CCBE1: variants seen among roughly 807,000 people sequenced by gnomAD.
The protein encoded by CCBE1 is collagen and calcium binding EGF domains 1, also known as collagen and calcium-binding EGF domain-containing protein 1.
Under a neutral mutation model 50.0 loss-of-function variants are expected in CCBE1, and 37 were observed. The ratio of observed to expected loss-of-function variants is 0.74; its 90% CI spans 0.57 to 0.97. The LOEUF is 0.97. Ranked by LOEUF, CCBE1 falls within the 50% of genes least tolerant of loss-of-function variation. The pLI, the probability that CCBE1 is intolerant of heterozygous loss-of-function variation, is 0.00. For missense variants in CCBE1, 538 were observed against 523.8 expected (o/e 1.03, Z -0.26); for synonymous variants, 234 against 203.7 (o/e 1.15, Z -1.27).
chr18:59,483,036 C>G (rs896557125), intron 2 of CCBE1, among the ~76,000 whole-genome samples: 2 of 152,092 alleles, frequency 1.3e-5, no homozygotes, highest in Non-Finnish European at 2.9e-5. Flanking sequence ...AACTGCATGT[C>G]ACCTACAGCC....
At chr18:59,665,686 C>G (rs1211409915) in intron 2 of CCBE1, among the ~76,000 whole-genome samples, 1 of 152,164 alleles carries the variant, frequency 6.6e-6, no homozygotes, top group Non-Finnish European at 1.5e-5. Flanking sequence ...CTGCACTCAA[C>G]AGCAGCACTG....
chr18:59,552,930 CAA>C (rs1025318948), intron 2 of CCBE1, among the ~76,000 whole-genome samples: 2 of 152,158 alleles, frequency 1.3e-5, no homozygotes, highest in African/African-American at 4.8e-5. Flanking sequence ...TCCAGCCATA[CAA>C]AGATATAAAA....
chr18:59,679,003 G>C (rs1010688693), intron 2 of CCBE1, among the ~76,000 whole-genome samples: 2 of 152,196 alleles, frequency 1.3e-5, no homozygotes, highest in African/African-American at 4.8e-5. Flanking sequence ...CTTCCCTTTA[G>C]AAGGTAAATT....
At chr18:59,558,785 A>G (rs1424138721) in intron 2 of CCBE1, among the ~76,000 whole-genome samples, 14 of 152,256 alleles carry the variant, frequency 9.2e-5, no homozygotes, top group Admixed American at 9.2e-4. Flanking sequence ...AAGGCAAGGA[A>G]GAGCTGACTG....
intron 2 of CCBE1, among the ~76,000 whole-genome samples, chr18:59,549,812 T>C (rs968481532): frequency 3.3e-5 from 5 of 152,216 alleles, no homozygotes; most frequent in African/African-American, 1.2e-4. Flanking sequence ...AATTGATTCT[T>C]CTCAATAGGC....
intron 2 of CCBE1, among the ~76,000 whole-genome samples, chr18:59,662,644 C>G (rs2054300050): frequency 6.6e-6 from 1 of 152,194 alleles, no homozygotes; most frequent in East Asian, 1.9e-4. Context: ...AGGCCATAAT[C>G]TAACAGCAGG....
At chr18:59,490,004 T>TTTA (rs1361256351) in intron 2 of CCBE1, among the ~76,000 whole-genome samples, 3 of 150,106 alleles carry the variant, frequency 2.0e-5, no homozygotes, top group Non-Finnish European at 3.0e-5. Context: ...TTTTTTTTTT[T>TTTA]GAGATGGAGT....
chr18:59,502,785 G>T (rs2143841755), intron 2 of CCBE1, among the ~76,000 whole-genome samples: 1 of 152,314 alleles, frequency 6.6e-6, no homozygotes, highest in South Asian at 2.1e-4. Flanking sequence ...CGCTGTGCTT[G>T]TCGACTGATG....
At chr18:59,695,950 AAGC>A (rs138388539) in intron 2 of CCBE1, among the ~76,000 whole-genome samples, 4,085 of 152,318 alleles carry the variant, frequency 0.027, 97 homozygotes, top group African/African-American at 0.059. Flanking sequence ...AAAAGGCTGC[AAGC>A]AGAACAGTGG....
chr18:59,647,026 A>G (rs528018743), intron 2 of CCBE1, among the ~76,000 whole-genome samples: 28 of 152,362 alleles, frequency 1.8e-4, no homozygotes, highest in African/African-American at 6.5e-4. Flanking sequence ...CCTAAATTCC[A>G]GAAGGAATCT....
intron 2 of CCBE1, among the ~76,000 whole-genome samples, chr18:59,548,466 C>CT (rs1293023995): frequency 2.0e-5 from 3 of 152,142 alleles, no homozygotes; most frequent in African/African-American, 4.8e-5. Context: ...ATCAGGATTC[C>CT]TTTCAAGAAC....
At chr18:59,455,690 G>A (rs1911158661) in intron 5 of CCBE1, among the ~76,000 whole-genome samples, 1 of 152,374 alleles carries the variant, frequency 6.6e-6, no homozygotes, top group East Asian at 1.9e-4. Flanking sequence ...GCCTACTTAA[G>A]CCTGCATGCT....
intron 2 of CCBE1, among the ~76,000 whole-genome samples, chr18:59,503,805 A>T (rs1162058922): frequency 6.6e-6 from 1 of 152,204 alleles, no homozygotes; most frequent in Non-Finnish European, 1.5e-5. Flanking sequence ...TCAGGACTTT[A>T]TCTTCCCATC....
chr18:59,590,975 TG>T lies in CCBE1; in HGVS notation c.212+105653del, dbSNP rs1489309385. On this transcript the variant is annotated intron_variant, in intron 2 of 10. Coordinates refer to ENST00000439986, the MANE Select transcript of CCBE1 (RefSeq NM_133459.4). ...AAGCTGCTAAGTAGGCCGGGCGCGG[TG>T]GCTCACGCTTGTAATCCCAGCACTT... 1.5e-4 allele frequency among the ~76,000 whole-genome samples: 5 copies of T among 32,270 alleles called. 1 individual carries two copies. Among genetic ancestry groups the T allele is most frequent in the African/African-American group, 4.3e-4 (1 of 2,332 alleles). The allele number at this position is 32,270 out of a possible 152,430, so 21.2% of individuals were successfully genotyped here. A position where few individuals can be genotyped will look rare whatever the true frequency, so the allele number is the denominator to read the frequency against.
chr18:59,445,956 T>G (rs575969603), intron 7 of CCBE1, among the ~76,000 whole-genome samples: 1 of 152,312 alleles, frequency 6.6e-6, no homozygotes, highest in Admixed American at 6.5e-5. Flanking sequence ...GTTTCCTGTA[T>G]TGGTGCTCCA....
intron 2 of CCBE1, among the ~76,000 whole-genome samples, chr18:59,608,901 C>T (rs1283309682): frequency 6.6e-6 from 1 of 152,208 alleles, no homozygotes; most frequent in Non-Finnish European, 1.5e-5. Context: ...CATCTCTTCT[C>T]TCATTATCCA....
intron 2 of CCBE1, among the ~76,000 whole-genome samples, chr18:59,496,128 C>T (rs182911583): frequency 4.9e-4 from 74 of 152,260 alleles, no homozygotes; most frequent in African/African-American, 1.7e-3. Context: ...TGTCTTAAGT[C>T]TGATCCCTGA....
intron 2 of CCBE1, among the ~76,000 whole-genome samples, chr18:59,549,729 CT>C (rs1915845044): frequency 6.6e-6 from 1 of 152,166 alleles, no homozygotes; most frequent in Admixed American, 6.5e-5. Flanking sequence ...TAACTTGTCC[CT>C]AGCAAAATTT....
intron 2 of CCBE1, among the ~76,000 whole-genome samples, chr18:59,540,503 AG>A (rs1302704556): frequency 2.0e-5 from 3 of 152,180 alleles, no homozygotes; most frequent in African/African-American, 7.2e-5. Context: ...GGAGGGAAAT[AG>A]GGGGTGTTGC....
Sources: gnomAD v4.1 joint callset for allele counts (sites outside exome capture counted in the v4.1 genomes callset) on GRCh38, gnomAD v4.1.1 for gene constraint, MANE v1.5 for transcripts, NCBI Gene and HGNC (gene_info 2026-07-23, HGNC 2026-07-21) for gene names.